The following MYO1B variants were observed in gnomAD, a reference collection of about 807,000 sequenced individuals.
The protein encoded by MYO1B is myosin IB.
In MYO1B, 72 loss-of-function variants were observed where a neutral mutation model predicts 159.7. The observed-to-expected ratio is 0.45, with a 90% confidence interval of 0.37 to 0.55. The LOEUF (loss-of-function observed/expected upper bound fraction) is 0.55. MYO1B is among the 20% of genes least tolerant of loss of function. MYO1B has a pLI of 0.00. For missense variants in MYO1B, 1,062 were observed against 1,364.8 expected (o/e 0.78, Z 3.50); for synonymous variants, 468 against 473.8 (o/e 0.99, Z 0.16).
intron 17 of MYO1B, chr2:191,387,832 T>C: frequency 3.3e-6 from 1 of 301,712 alleles, no homozygotes; most frequent in Non-Finnish European, 6.3e-6. Flanking sequence ...ATTCTTGTTC[T>C]ATTAGCTTAG....
At chr2:191,351,909 G>A (rs1376199923) in intron 7 of MYO1B, among the ~76,000 whole-genome samples, 1 of 152,052 alleles carries the variant, frequency 6.6e-6, no homozygotes, top group Non-Finnish European at 1.5e-5. Flanking sequence ...AAATAAATAA[G>A]TTTCCATTTT....
chr2:191,262,649 C>A (rs17511249), intron 1 of MYO1B, among the ~76,000 whole-genome samples: 53,971 of 151,522 alleles, frequency 0.36, 9,640 homozygotes, highest in Middle Eastern at 0.52. Flanking sequence ...CACTCTAACA[C>A]CTGTGAGCTC....
At chr2:191,333,841 T>C (rs1490341922) in intron 4 of MYO1B, among the ~76,000 whole-genome samples, 1 of 152,206 alleles carries the variant, frequency 6.6e-6, no homozygotes, top group Admixed American at 6.5e-5. Flanking sequence ...ATTTAATTCT[T>C]AGAAGCAGTA....
chr2:191,297,402 T>G (rs1689048210), intron 3 of MYO1B, among the ~76,000 whole-genome samples: 1 of 152,216 alleles, frequency 6.6e-6, no homozygotes. Flanking sequence ...TTAGAATATT[T>G]GTGAACTGCT....
At chr2:191,315,157 GTCCATCCATCCA>G (rs5837229) in intron 3 of MYO1B, among the ~76,000 whole-genome samples, 6 of 150,068 alleles carry the variant, frequency 4.0e-5, no homozygotes, top group East Asian at 2.0e-4. Flanking sequence ...CCGTCCGTCC[GTCCATCCATCCA>G]TCCATCCATC....
chr2:191,274,251 T>A (rs1471048410), intron 1 of MYO1B, among the ~76,000 whole-genome samples: 1 of 152,242 alleles, frequency 6.6e-6, no homozygotes, highest in East Asian at 1.9e-4. Context: ...TCTTCACTGT[T>A]TACCAGTTAC....
chr2:191,392,758 A>G (rs1338323072), intron 19 of MYO1B, among the ~76,000 whole-genome samples: 1 of 152,200 alleles, frequency 6.6e-6, no homozygotes, highest in Non-Finnish European at 1.5e-5. Context: ...AGAATTTTCC[A>G]GCATCTACCT....
In MYO1B at chr2:191,360,747, T is replaced by TGAG. The variant is rs530023375; in HGVS notation, c.661+19_661+20insAGG. On this transcript the variant is annotated intron_variant, in intron 8 of 30. Transcript: ENST00000392318. ...GCTCCTCAGTAAGTCTCTGTTTCTA[T>TGAG]GTGGTGTTGTTGTTGTTGTTGTTGT... 2 of 1,159,128 alleles carry TGAG rather than the reference T, an allele frequency of 1.7e-6. No individual in the cohort carries two copies. Among genetic ancestry groups the TGAG allele is most frequent in the African/African-American group, 3.7e-5 (2 of 53,774 alleles). 71.8% of individuals were successfully genotyped at this position (1,159,128 alleles called of 1,614,324 possible).
intron 3 of MYO1B, among the ~76,000 whole-genome samples, chr2:191,323,380 G>A (rs1690850838): frequency 6.6e-6 from 1 of 152,120 alleles, no homozygotes; most frequent in African/African-American, 2.4e-5. Context: ...TATTCAAGAT[G>A]GAGTTGCTCT....
At chr2:191,359,439 G>C (rs73981600) in intron 7 of MYO1B, among the ~76,000 whole-genome samples, 1 of 151,540 alleles carries the variant, frequency 6.6e-6, no homozygotes, top group South Asian at 2.1e-4. Flanking sequence ...AGCATCCTGC[G>C]CCTAATAATT....
At chr2:191,381,142 CTG>C in intron 13 of MYO1B, 1 of 368,742 alleles carries the variant, frequency 2.7e-6, no homozygotes, top group Non-Finnish European at 5.2e-6. Context: ...GTGGAGCTCA[CTG>C]TGTCTTTGCT....
intron 24 of MYO1B, among the ~76,000 whole-genome samples, chr2:191,403,343 G>A (rs182922948): frequency 6.6e-6 from 1 of 152,262 alleles, no homozygotes; most frequent in East Asian, 1.9e-4. Context: ...GCTTACTACA[G>A]TAGGGTACAC....
chr2:191,269,297 C>T (rs1443298107), intron 1 of MYO1B, among the ~76,000 whole-genome samples: 2 of 152,166 alleles, frequency 1.3e-5, no homozygotes, highest in Non-Finnish European at 2.9e-5. Context: ...TTAGTGCCCT[C>T]AAGGTTCGTT....
chr2:191,311,250 A>G (rs1037271594), intron 3 of MYO1B, among the ~76,000 whole-genome samples: 2 of 152,218 alleles, frequency 1.3e-5, no homozygotes, highest in Non-Finnish European at 2.9e-5. Flanking sequence ...ATCTTTTTCC[A>G]TCAGTCCACA....
chr2:191,280,606 A>G (rs897196), intron 2 of MYO1B, among the ~76,000 whole-genome samples: 146,786 of 152,284 alleles, frequency 0.96, 70,952 homozygotes, highest in East Asian at 1. Context: ...TTCTCAAACC[A>G]TTGACTGTGG....
chr2:191,276,277 G>A (rs1217940023), intron 1 of MYO1B, among the ~76,000 whole-genome samples: 1 of 152,204 alleles, frequency 6.6e-6, no homozygotes. Context: ...CATGTTAGAC[G>A]TGGTAATTGA....
intron 2 of MYO1B, among the ~76,000 whole-genome samples, chr2:191,277,585 G>A (rs1687828617): frequency 6.6e-6 from 1 of 152,144 alleles, no homozygotes; most frequent in Non-Finnish European, 1.5e-5. Context: ...GCTATAATAG[G>A]AGAAAATTTC....
chr2:191,368,078 G>A (rs1279780113), intron 11 of MYO1B, among the ~76,000 whole-genome samples: 1 of 152,198 alleles, frequency 6.6e-6, no homozygotes, highest in Non-Finnish European at 1.5e-5. Flanking sequence ...AGTAGGGAGG[G>A]AGGTTTGGGA....
In MYO1B at chr2:191,390,485, C is replaced by T. The variant is rs1401291146; in HGVS notation, c.1975C>T (p.Pro659Ser). Residue 659 changes from proline (P) to serine (S), a missense_variant, in exon 18 of 31, where the codon CCA becomes TCA. Physicochemically the swap from Pro to Ser is moderately conservative, Grantham distance 74. Around this residue, in one of 5 missense-constraint regions of MYO1B, gnomAD observed 609 missense variants for 744.4 expected, o/e 0.82. Coordinates refer to ENST00000392318, the MANE Select transcript of MYO1B (RefSeq NM_001130158.3). The stretch of plus-strand genomic sequence containing the variant: ...ACAAACATGGCCTCATTGGAAAGGA[C>T]CAGCCAGGTAAGAAATTCAGTGACC... The part of the protein sequence containing the change: ...CKQTWPHWKG[P>S]ARSGVEVLFN... The T allele has an allele frequency of 1.9e-6, 3 of 1,612,376 alleles. No individual in the cohort carries two copies. The highest frequency in any genetic ancestry group is 4.5e-5 in the East Asian group (2 of 44,882).
Sources: gnomAD v4.1 joint callset for allele counts (sites outside exome capture counted in the v4.1 genomes callset) on GRCh38, gnomAD v4.1.1 for gene constraint, gnomAD v4.1.1 regional missense constraint, MANE v1.5 for transcripts, NCBI Gene and HGNC (gene_info 2026-07-23, HGNC 2026-07-21) for gene names.